TMEM201: variants seen among roughly 807,000 people sequenced by gnomAD.
TMEM201 encodes the protein RP13-15M17.2.
TMEM201 carries 26 observed loss-of-function variants against 63.4 expected under a neutral mutation model. That is an observed-to-expected ratio of 0.41 (90% CI 0.30 to 0.57). The LOEUF is 0.57. TMEM201 is among the 20% of genes least tolerant of loss of function. The pLI, the probability that TMEM201 is intolerant of heterozygous loss-of-function variation, is 0.29. For synonymous variants in TMEM201, 417 were observed against 421.6 expected (o/e 0.99, Z 0.14); for missense variants, 794 against 917.7 (o/e 0.87, Z 1.74).
rs1470007182 is a variant in TMEM201, at chr1:9,588,980, C to T, written c.50C>T (p.Ala17Val). The T allele has an allele frequency of 8.1e-7, 1 of 1,240,582 alleles. No individual in the cohort carries two copies. The highest frequency in any genetic ancestry group is 1.8e-5 in the South Asian group (1 of 56,848). 76.8% of individuals were successfully genotyped at this position (1,240,582 alleles called of 1,614,324 possible). The change falls in exon 1 of 11, where the codon GCC becomes GTC. Residue 17 changes from alanine (A) to valine (V), a missense_variant. Ala to Val is a moderately conservative substitution (Grantham distance 64, BLOSUM62 0). Transcript: ENST00000340381. The stretch of plus-strand genomic sequence containing the variant: ...GCCCGCTGCCCCACGGCCGGCCTGG[C>T]CGGCGGCCTGGGGGTCACGGCGTGC... ...LLARCPTAGL[A>V]GGLGVTACAA...
rs1644268692 is a variant in TMEM201 at position 9,607,792 on chromosome 1, A to G, written c.1393+3A>G. 1 of 1,551,126 alleles carries G rather than the reference A, an allele frequency of 6.4e-7. No individual in the cohort carries two copies. The highest frequency in any genetic ancestry group is 1.2e-5 in the South Asian group (1 of 84,050). On this transcript the variant is annotated splice_donor_region_variant and intron_variant, in intron 7 of 10. Transcript: ENST00000340381. This position sits in a 1 kb window ranked among gnomAD's most constrained non-coding sequence, Gnocchi z 5.4. The stretch of plus-strand genomic sequence containing the variant: ...CATACCCTCTCTGACTCGAGCAGGT[A>G]AGGGGTGCCCAGGCATTGGCAGACA...
At position 9,610,671 on chromosome 1, in the gene TMEM201, C is replaced by T. The variant is rs780072124; in HGVS notation, c.1631C>T (p.Pro544Leu). The T allele has an allele frequency of 3.1e-5, 48 of 1,550,514 alleles. No homozygotes were observed. In the Middle Eastern group the frequency reaches 8.3e-4, roughly 27 times the overall value. The change falls in exon 9 of 11, where the codon CCG becomes CTG. Residue 544 changes from proline (P) to leucine (L), a missense_variant. Coordinates refer to ENST00000340381, the MANE Select transcript of TMEM201 (RefSeq NM_001130924.3). This position sits in a 1 kb window ranked among gnomAD's most constrained non-coding sequence, Gnocchi z 4.9. ...NLKGQKLLLF[P>L]SPPGEAPTTP... ...AAGGGACAGAAGCTGCTGCTGTTCC[C>T]GTCACCCCCTGGAGAGGCCCCCACC... is the stretch of plus-strand genomic sequence containing the variant.
At chr1:9,595,580 C>T (rs1264785499) in intron 1 of TMEM201, among the ~76,000 whole-genome samples, 1 of 152,076 alleles carries the variant, frequency 6.6e-6, no homozygotes, top group Non-Finnish European at 1.5e-5. Flanking sequence ...CCCGTGCGGC[C>T]GCACTGGAGC....
At position 9,608,345 on chromosome 1, in the gene TMEM201, G is replaced by A. The variant is rs1263290429; in HGVS notation, c.1393+556G>A. On this transcript the variant is annotated intron_variant, in intron 7 of 10. Transcript: ENST00000340381. This position sits in a 1 kb window ranked among gnomAD's most constrained non-coding sequence, Gnocchi z 4.3. ...ATGACCTTGGGTAAATGTGTGCACC[G>A]TGCTGTGCCCTAATCTTTTCCTCTA... Among the ~76,000 whole-genome samples, 4 of 152,216 alleles carry A rather than the reference G, an allele frequency of 2.6e-5. No homozygotes were observed. The highest frequency in any genetic ancestry group is 7.2e-5 in the African/African-American group (3 of 41,456).
At chr1:9,591,164 C>T (rs1486626894) in intron 1 of TMEM201, among the ~76,000 whole-genome samples, 1 of 152,240 alleles carries the variant, frequency 6.6e-6, no homozygotes, top group Non-Finnish European at 1.5e-5. Context: ...AGTCCTCTCG[C>T]TTCCATGGTT....
At chr1:9,600,241 A>G (rs60097082) in intron 4 of TMEM201, among the ~76,000 whole-genome samples, 9,104 of 152,248 alleles carry the variant, frequency 0.06, 1,197 homozygotes, top group East Asian at 0.59. Context: ...AGAATATTCT[A>G]TCAACTGAGT....
At position 9,607,545 on chromosome 1, in the gene TMEM201, G is replaced by C; in HGVS notation, c.1161-12G>C. The stretch of plus-strand genomic sequence containing the variant: ...ACCCTCTTCTTGTCCCGTGCCTGAC[G>C]GGCCCTTGCAGGTTCTTCCCAGGAG... On this transcript the variant is annotated splice_polypyrimidine_tract_variant and intron_variant, in intron 6 of 10. Coordinates refer to ENST00000340381, the MANE Select transcript of TMEM201 (RefSeq NM_001130924.3). This position sits in a 1 kb window ranked among gnomAD's most constrained non-coding sequence, Gnocchi z 5.4. 1 of 1,540,548 alleles carries C rather than the reference G, an allele frequency of 6.5e-7. No homozygotes were observed. The highest frequency in any genetic ancestry group is 8.8e-7 in the Non-Finnish European group (1 of 1,140,508).
rs549168936 is a variant in TMEM201, at chr1:9,589,343, C to T, written c.113+300C>T. On this transcript the variant is annotated intron_variant, in intron 1 of 10. Transcript: ENST00000340381. ...CTGGAGCCGGTGCGCACGGGCCGCC[C>T]CTGCCCTCAGCCCCGTGCTGGGCCC... Among the ~76,000 whole-genome samples, 6 of 152,252 alleles carry T rather than the reference C, an allele frequency of 3.9e-5. No individual in the cohort carries two copies. The East Asian group carries it at 1.2e-3, about 29-fold the overall frequency.
chr1:9,602,859 G>C, intron 6 of TMEM201: 1 of 985,816 alleles, frequency 1.0e-6, no homozygotes, highest in Non-Finnish European at 1.2e-6. Flanking sequence ...GGCCCTGCAG[G>C]AGGTGGTGGA....
At chr1:9,593,852 G>C (rs1293637821) in intron 1 of TMEM201, among the ~76,000 whole-genome samples, 1 of 152,226 alleles carries the variant, frequency 6.6e-6, no homozygotes, top group African/African-American at 2.4e-5. Flanking sequence ...ACACAAGCAG[G>C]TCTTCACCCA....
Position 9,607,692 on chromosome 1 carries a change from GCTCTTCC to G in TMEM201, c.1297_1303del (p.Leu433GlyfsTer27). On this transcript the variant is annotated frameshift_variant, in exon 7 of 11. Coordinates refer to ENST00000340381, the MANE Select transcript of TMEM201 (RefSeq NM_001130924.3). LOFTEE classifies it high-confidence loss of function. The surrounding 1 kb of genome is among the most constrained non-coding windows in gnomAD (Gnocchi z 5.4). ...GCTTCCTGCCCCTCGCCAACCAGCA[GCTCTTCC>G]GGTCTCCTCGACGGACCTCACCCTC... The G allele has an allele frequency of 1.3e-6, 2 of 1,551,980 alleles. No homozygotes were observed. Among genetic ancestry groups the G allele is most frequent in the Non-Finnish European group, 1.7e-6 (2 of 1,147,108 alleles).
chr1:9,593,970 C>T (rs943723183), intron 1 of TMEM201, among the ~76,000 whole-genome samples: 8 of 152,240 alleles, frequency 5.3e-5, no homozygotes, highest in African/African-American at 1.4e-4. Flanking sequence ...ATGCGGGCAC[C>T]GCAGCAGAGC....
chr1:9,601,840 A>G (rs1644148975), intron 5 of TMEM201, among the ~76,000 whole-genome samples: 1 of 152,162 alleles, frequency 6.6e-6, no homozygotes, highest in African/African-American at 2.4e-5. Flanking sequence ...ACTCGGAGGA[A>G]TTTTCCTTAG....
At chr1:9,602,036 TCCCCTGGGGTGA>T in intron 5 of TMEM201, 21 bp from the exon 6 acceptor site, 8 of 1,595,136 alleles carry the variant, frequency 5.0e-6, no homozygotes, top group Non-Finnish European at 6.8e-6. Flanking sequence ...GGTCTTGTCC[TCCCCTGGGGTGA>T]CCCCGCTGCT....
chr1:9,609,310 C>T (rs530084953), intron 7 of TMEM201, among the ~76,000 whole-genome samples: 12 of 152,360 alleles, frequency 7.9e-5, no homozygotes, highest in African/African-American at 2.2e-4. Context: ...ATTCAGCTCT[C>T]AGCCAGCCAC....
Position 9,611,214 on chromosome 1 carries a change from TC to T in TMEM201, c.1765+410del, listed in dbSNP as rs1243933996. The T allele has an allele frequency of 8.3e-4, 342 of 411,166 alleles. 1 individual carries two copies. The highest frequency in any genetic ancestry group is 7.9e-3 in the African/African-American group (317 of 39,998). 25.5% of individuals were successfully genotyped at this position (411,166 alleles called of 1,614,324 possible). A position where few individuals can be genotyped will look rare whatever the true frequency, so the allele number is the denominator to read the frequency against. ...TGTAGATTTCCTTTTTTTTTTTTTTTCGAGATGCAGTCTCACTCTGTCGCCC... is the reference window on the plus strand; with the variant it reads ...TGTAGATTTCCTTTTTTTTTTTTTTTGAGATGCAGTCTCACTCTGTCGCCC... On this transcript the variant is annotated intron_variant, in intron 9 of 10. Transcript: ENST00000340381.
Position 9,613,313 on chromosome 1 carries a change from A to G in TMEM201, c.*230A>G, listed in dbSNP as rs1644350756. 1.7e-6 allele frequency: 1 copy of G among 576,022 alleles called. No individual in the cohort carries two copies. The highest frequency in any genetic ancestry group is 2.9e-5 in the East Asian group (1 of 34,994). 35.7% of individuals were successfully genotyped at this position (576,022 alleles called of 1,614,324 possible). On this transcript the variant is annotated 3_prime_UTR_variant, in exon 11 of 11. Transcript: ENST00000340381. Reference sequence around the variant, plus strand: ...CTGCCCACTCACCTCCTTGGCTGACATCGGTTGTGTTTGGTGCTGACACTC... The same window carrying G: ...CTGCCCACTCACCTCCTTGGCTGACGTCGGTTGTGTTTGGTGCTGACACTC...
At position 9,603,104 on chromosome 1, in the gene TMEM201, G is replaced by A; in HGVS notation, c.1160+832G>A. On this transcript the variant is annotated intron_variant, in intron 6 of 10. Coordinates refer to ENST00000340381, the MANE Select transcript of TMEM201 (RefSeq NM_001130924.3). The surrounding 1 kb of genome is among the most constrained non-coding windows in gnomAD (Gnocchi z 4.5). ...GTATGCAGGCCTTCAGTGACATCAG[G>A]TCGTTGTCATCCTTTCCCTCCCTGA... 2 of 985,498 alleles carry A rather than the reference G, an allele frequency of 2.0e-6. No homozygotes were observed. The highest frequency in any genetic ancestry group is 2.4e-6 in the Non-Finnish European group (2 of 829,990). 61.0% of individuals were successfully genotyped at this position (985,498 alleles called of 1,614,324 possible). A position where few individuals can be genotyped will look rare whatever the true frequency, so the allele number is the denominator to read the frequency against.
chr1:9,612,873 T>C, intron 10 of TMEM201, 113 bp from the exon 11 acceptor site: 2 of 870,990 alleles, frequency 2.3e-6, no homozygotes, highest in Non-Finnish European at 3.6e-6. Flanking sequence ...TCTCAGAGAG[T>C]ACCCTGGGCA....
Sources: gnomAD v4.1 joint callset for allele counts (sites outside exome capture counted in the v4.1 genomes callset) on GRCh38, gnomAD v4.1.1 for gene constraint, Gnocchi (gnomAD v3.1) non-coding constraint, MANE v1.5 for transcripts, NCBI Gene and HGNC (gene_info 2026-07-23, HGNC 2026-07-21) for gene names.